Variants in CNTN5 observed in about 807,000 individuals in gnomAD.
CNTN5 encodes the protein contactin-5.
Under a neutral mutation model 129.1 loss-of-function variants are expected in CNTN5, and 77 were observed. The ratio of observed to expected loss-of-function variants is 0.60; its 90% CI spans 0.50 to 0.72. The LOEUF (loss-of-function observed/expected upper bound fraction) is 0.72, where lower values mean the gene tolerates loss of function less well. Among genes scored for constraint, CNTN5 ranks in the 30% least tolerant of loss-of-function variants. The pLI is 0.00. For missense variants in CNTN5, 1,478 were observed against 1,328.8 expected (o/e 1.11, Z -1.75); for synonymous variants, 509 against 465.6 (o/e 1.09, Z -1.20).
intron 2 of CNTN5, among the ~76,000 whole-genome samples, chr11:99,407,912 T>C (rs1207598034): frequency 1.3e-5 from 2 of 152,154 alleles, no homozygotes; most frequent in Non-Finnish European, 2.9e-5. Context: ...AAATACTCTC[T>C]GCATCATGCT....
intron 3 of CNTN5, among the ~76,000 whole-genome samples, chr11:99,794,705 T>G (rs1345821974): frequency 6.6e-6 from 1 of 152,216 alleles, no homozygotes; most frequent in Admixed American, 6.5e-5. Flanking sequence ...GGATATGAAC[T>G]TCTTGGTTGG....
At chr11:99,722,485 G>A (rs546365084) in intron 3 of CNTN5, among the ~76,000 whole-genome samples, 1 of 152,158 alleles carries the variant, frequency 6.6e-6, no homozygotes, top group African/African-American at 2.4e-5. Context: ...TTCTTGGGGA[G>A]GGTGAAAGGA....
In CNTN5 at chr11:100,127,651, C is replaced by CTTTTTTTTTTTTTTTTTTTTTT. The variant is rs66468227; in HGVS notation, c.1580+53360_1580+53381dup. 4.9e-5 allele frequency among the ~76,000 whole-genome samples: 4 copies of CTTTTTTTTTTTTTTTTTTTTTT among 81,280 alleles called. 1 individual carries two copies. Among genetic ancestry groups the CTTTTTTTTTTTTTTTTTTTTTT allele is most frequent in the Non-Finnish European group, 4.5e-5 (2 of 44,814 alleles). 53.3% of individuals were successfully genotyped at this position (81,280 alleles called of 152,430 possible). A position where few individuals can be genotyped will look rare whatever the true frequency, so the allele number is the denominator to read the frequency against. On this transcript the variant is annotated intron_variant, in intron 13 of 24. Coordinates refer to ENST00000524871, the MANE Select transcript of CNTN5 (RefSeq NM_014361.4). ...ACAGACTTTCTGACTTTCTTTCTTT[C>CTTTTTTTTTTTTTTTTTTTTTT]TTTTTTTTTTTTTTTTTTTTTTTTG... is the stretch of plus-strand genomic sequence containing the variant.
At chr11:99,192,167 A>G (rs888608342) in intron 1 of CNTN5, among the ~76,000 whole-genome samples, 1 of 151,770 alleles carries the variant, frequency 6.6e-6, no homozygotes, top group African/African-American at 2.4e-5. Flanking sequence ...AAGAAAGAAG[A>G]CAAATAAAAT....
chr11:100,154,720 T>C (rs1784488362), intron 13 of CNTN5, among the ~76,000 whole-genome samples: 1 of 152,176 alleles, frequency 6.6e-6, no homozygotes, highest in Admixed American at 6.5e-5. Flanking sequence ...CCATTCTAAC[T>C]GGCATGAGAT....
intron 1 of CNTN5, among the ~76,000 whole-genome samples, chr11:99,282,391 A>T (rs573155221): frequency 1.4e-4 from 22 of 152,140 alleles, no homozygotes; most frequent in Middle Eastern, 3.4e-3. Flanking sequence ...TCACAAGAAC[A>T]ACCAAAAAGG....
intron 13 of CNTN5, among the ~76,000 whole-genome samples, chr11:100,142,696 G>T (rs1203754419): frequency 1.3e-5 from 2 of 151,974 alleles, no homozygotes; most frequent in Non-Finnish European, 2.9e-5. Context: ...GATATTCCTG[G>T]GATGCTACTG....
In CNTN5 at chr11:99,800,125, T is replaced by C. The variant is rs867306715; in HGVS notation, c.56-19419T>C. 3.9e-5 allele frequency among the ~76,000 whole-genome samples: 6 copies of C among 152,240 alleles called. 1 individual carries two copies. In the Middle Eastern group the frequency reaches 0.02, roughly 518 times the overall value. ...GTGTAATAAACTTTGTTTTTAACGC[T>C]GCTGTTTTTGCATCCCAGAGATTTT... On this transcript the variant is annotated intron_variant, in intron 3 of 24. Transcript: ENST00000524871.
At chr11:99,679,009 A>T (rs1953428471) in intron 3 of CNTN5, among the ~76,000 whole-genome samples, 1 of 147,442 alleles carries the variant, frequency 6.8e-6, no homozygotes, top group East Asian at 2.0e-4. Flanking sequence ...ATATTTATTT[A>T]TATATTTCTT....
At chr11:100,349,511 A>G (rs1952357744) in intron 23 of CNTN5, among the ~76,000 whole-genome samples, 1 of 151,854 alleles carries the variant, frequency 6.6e-6, no homozygotes, top group Non-Finnish European at 1.5e-5. Context: ...AATTGTTATT[A>G]TCATCTCTAT....
At chr11:99,224,633 A>T (rs1860577327) in intron 1 of CNTN5, among the ~76,000 whole-genome samples, 1 of 150,126 alleles carries the variant, frequency 6.7e-6, no homozygotes, top group Non-Finnish European at 1.5e-5. Context: ...TTCCAGATTA[A>T]AGAGTCTCGT....
At chr11:99,897,445 G>C (rs1115212) in intron 6 of CNTN5, among the ~76,000 whole-genome samples, 20,010 of 152,076 alleles carry the variant, frequency 0.13, 1,691 homozygotes, top group Non-Finnish European at 0.19. Context: ...ACTAACAGTG[G>C]ACTTCTCAGC....
intron 2 of CNTN5, among the ~76,000 whole-genome samples, chr11:99,358,154 T>C (rs4754607): frequency 7.3e-6 from 1 of 137,182 alleles, no homozygotes; most frequent in East Asian, 2.7e-4. Flanking sequence ...AGTGGCGCGA[T>C]CTCGGCTCAC....
chr11:99,225,858 T>C (rs1591382267), intron 1 of CNTN5, among the ~76,000 whole-genome samples: 1 of 152,300 alleles, frequency 6.6e-6, no homozygotes, highest in South Asian at 2.1e-4. Flanking sequence ...ATTTCAAATG[T>C]CCAAATGGAT....
chr11:99,704,383 T>G (rs1158987317), intron 3 of CNTN5, among the ~76,000 whole-genome samples: 1 of 151,096 alleles, frequency 6.6e-6, no homozygotes, highest in Non-Finnish European at 1.5e-5. Context: ...ATTTAAAAAG[T>G]GAGTTTTGTG....
intron 3 of CNTN5, among the ~76,000 whole-genome samples, chr11:99,679,045 A>C (rs1953432080): frequency 6.8e-6 from 1 of 147,412 alleles, no homozygotes; most frequent in African/African-American, 2.5e-5. Context: ...AAATATATGC[A>C]TTTTATATAT....
chr11:99,933,226 A>C (rs1950231478), intron 7 of CNTN5, among the ~76,000 whole-genome samples: 1 of 152,212 alleles, frequency 6.6e-6, no homozygotes, highest in Non-Finnish European at 1.5e-5. Flanking sequence ...CAAATAGAAA[A>C]TGTTATCTTC....
chr11:100,185,256 C>T (rs1455057513), intron 13 of CNTN5, among the ~76,000 whole-genome samples: 1 of 152,090 alleles, frequency 6.6e-6, no homozygotes, highest in Non-Finnish European at 1.5e-5. Flanking sequence ...TGAAGTTTTA[C>T]TGGATAAGTT....
intron 3 of CNTN5, among the ~76,000 whole-genome samples, chr11:99,693,087 C>G (rs1385212242): frequency 6.6e-6 from 1 of 150,780 alleles, no homozygotes; most frequent in African/African-American, 2.5e-5. Flanking sequence ...ATTACATAAG[C>G]AAGCAGTTGA....
Sources: gnomAD v4.1 joint callset for allele counts (sites outside exome capture counted in the v4.1 genomes callset) on GRCh38, gnomAD v4.1.1 for gene constraint, MANE v1.5 for transcripts, NCBI Gene and HGNC (gene_info 2026-07-23, HGNC 2026-07-21) for gene names.